Variants in EXOC4 observed in about 807,000 individuals in gnomAD.
EXOC4 encodes exocyst complex component 4.
EXOC4 carries 71 observed loss-of-function variants against 107.2 expected under a neutral mutation model. The observed-to-expected ratio is 0.66, with a 90% CI of 0.55 to 0.81. The LOEUF is 0.81. Among genes scored for constraint, EXOC4 ranks in the 30% least tolerant of loss-of-function variants. The pLI, the probability that EXOC4 is intolerant of heterozygous loss-of-function variation, is 0.00. For synonymous variants in EXOC4, 456 were observed against 441.2 expected (o/e 1.03, Z -0.42); for missense variants, 1,108 against 1,189.6 (o/e 0.93, Z 1.01).
intron 11 of EXOC4, among the ~76,000 whole-genome samples, chr7:133,876,816 GT>G (rs1424540671): frequency 1.3e-5 from 2 of 151,506 alleles, no homozygotes; most frequent in Non-Finnish European, 2.9e-5. Flanking sequence ...TTTCTTTTTT[GT>G]TTTGTTTTGT....
intron 11 of EXOC4, among the ~76,000 whole-genome samples, chr7:133,853,996 A>C (rs527657878): frequency 6.6e-6 from 1 of 152,182 alleles, no homozygotes; most frequent in South Asian, 2.1e-4. Flanking sequence ...GACTGTTTCC[A>C]TTTGCCCTCT....
chr7:133,936,848 C>T (rs910042007), intron 13 of EXOC4, among the ~76,000 whole-genome samples: 2 of 151,970 alleles, frequency 1.3e-5, no homozygotes, highest in African/African-American at 2.4e-5. Flanking sequence ...TTAGTAGAGA[C>T]GGGGTTTCAC....
intron 10 of EXOC4, among the ~76,000 whole-genome samples, chr7:133,780,884 T>A (rs1796451632): frequency 1.3e-5 from 2 of 152,326 alleles, no homozygotes; most frequent in East Asian, 1.9e-4. Flanking sequence ...TGAAGAACTG[T>A]GAATTTTTAT....
At chr7:133,725,168 G>A (rs1036231162) in intron 10 of EXOC4, among the ~76,000 whole-genome samples, 1 of 152,114 alleles carries the variant, frequency 6.6e-6, no homozygotes, top group African/African-American at 2.4e-5. Flanking sequence ...AAATTTAATA[G>A]AATTTTAATT....
At chr7:133,734,018 A>G (rs2151120034) in intron 10 of EXOC4, among the ~76,000 whole-genome samples, 1 of 152,336 alleles carries the variant, frequency 6.6e-6, no homozygotes, top group South Asian at 2.1e-4. Context: ...TATTTTACCA[A>G]CTCCATAATT....
rs1472150577 is a variant in EXOC4, at chr7:133,356,338, A to G, written c.772A>G (p.Ile258Val). ...ATTATTTAATTTTTCAGTGAGGGAG[A>G]TAAATCTGCAGGACATCAAGGAAGA... ...STAGSSSVRE[I>V]NLQDIKEDLE... The change falls in exon 6 of 18, where the codon ATA (isoleucine) becomes GTA (valine). Residue 258 changes from isoleucine (I) to valine (V), a missense_variant. By Grantham distance (29) the Ile-to-Val change is conservative. Transcript: ENST00000253861. The G allele has an allele frequency of 6.2e-7, 1 of 1,613,656 alleles. No individual in the cohort carries two copies. The highest frequency in any genetic ancestry group is 8.5e-7 in the Non-Finnish European group (1 of 1,179,858).
At chr7:134,043,718 A>G (rs537864196) in intron 17 of EXOC4, among the ~76,000 whole-genome samples, 180 of 152,200 alleles carry the variant, frequency 1.2e-3, no homozygotes, top group Non-Finnish European at 1.9e-3. Context: ...GAGGAGTGCA[A>G]TGGTTTCGGG....
At chr7:133,832,138 T>C (rs1384931260) in intron 11 of EXOC4, among the ~76,000 whole-genome samples, 1 of 152,184 alleles carries the variant, frequency 6.6e-6, no homozygotes, top group Non-Finnish European at 1.5e-5. Flanking sequence ...ATACAGTGCT[T>C]TTATAGTTTA....
chr7:133,517,343 A>T (rs967690704), intron 9 of EXOC4, among the ~76,000 whole-genome samples: 27 of 152,192 alleles, frequency 1.8e-4, no homozygotes, highest in African/African-American at 6.0e-4. Flanking sequence ...GAGATGGGAA[A>T]ATGAAGCCTA....
At chr7:133,295,995 C>T (rs548326222) in intron 3 of EXOC4, among the ~76,000 whole-genome samples, 5 of 152,060 alleles carry the variant, frequency 3.3e-5, no homozygotes, top group Non-Finnish European at 7.4e-5. Flanking sequence ...TATGGATTTT[C>T]CACAACATGA....
intron 10 of EXOC4, among the ~76,000 whole-genome samples, chr7:133,634,723 C>A (rs1011347380): frequency 6.6e-6 from 1 of 152,114 alleles, no homozygotes; most frequent in Non-Finnish European, 1.5e-5. Flanking sequence ...AACAGGTGAT[C>A]CGCCCGCCTC....
At chr7:133,986,459 T>C (rs947414162) in intron 14 of EXOC4, among the ~76,000 whole-genome samples, 8 of 152,196 alleles carry the variant, frequency 5.3e-5, no homozygotes, top group African/African-American at 1.9e-4. Context: ...AAAAGAGTAG[T>C]AGCTTTGGAA....
chr7:133,544,620 T>G (rs1042168297), intron 9 of EXOC4, among the ~76,000 whole-genome samples: 1 of 152,130 alleles, frequency 6.6e-6, no homozygotes, highest in African/African-American at 2.4e-5. Context: ...TCCAATACTG[T>G]CATACTGTCA....
At chr7:133,722,396 T>C (rs113497038) in intron 10 of EXOC4, among the ~76,000 whole-genome samples, 34 of 152,340 alleles carry the variant, frequency 2.2e-4, no homozygotes, top group Non-Finnish European at 4.1e-4. Flanking sequence ...GAGAAAATAG[T>C]TAATGTCTTT....
chr7:133,521,077 C>A (rs1329236820), intron 9 of EXOC4, among the ~76,000 whole-genome samples: 3 of 152,140 alleles, frequency 2.0e-5, no homozygotes, highest in Non-Finnish European at 4.4e-5. Flanking sequence ...TTAATATTAG[C>A]TACTGGAAAT....
chr7:133,997,415 C>G (rs1488048089), intron 14 of EXOC4, 77 bp from the exon 15 acceptor site: 1 of 1,542,692 alleles, frequency 6.5e-7, no homozygotes, highest in African/African-American at 1.4e-5. Flanking sequence ...ACAAGATGAA[C>G]AGCAAAATAA....
intron 7 of EXOC4, among the ~76,000 whole-genome samples, chr7:133,385,312 G>A (rs1421400182): frequency 6.6e-6 from 1 of 152,144 alleles, no homozygotes; most frequent in Non-Finnish European, 1.5e-5. Flanking sequence ...CTGCCACTTC[G>A]TTGTGGACTT....
At chr7:133,639,202 A>G (rs1802786791) in intron 10 of EXOC4, among the ~76,000 whole-genome samples, 2 of 152,108 alleles carry the variant, frequency 1.3e-5, no homozygotes, top group South Asian at 4.1e-4. Context: ...TTGGCTATGC[A>G]TTGTTTCCTT....
chr7:134,086,784 CAG>C, the EXOC4 span, among the ~76,000 whole-genome samples: 1 of 152,144 alleles, frequency 6.6e-6, no homozygotes, highest in Non-Finnish European at 1.5e-5. Flanking sequence ...ACTCCATAGA[CAG>C]AGCAGCCACA....
Sources: allele counts gnomAD v4.1 joint callset (sites outside exome capture counted in the v4.1 genomes callset), GRCh38; gene constraint gnomAD v4.1.1; transcripts MANE v1.5; gene names NCBI Gene and HGNC (gene_info 2026-07-23, HGNC 2026-07-21).